Variants in SEPTIN11 observed in about 807,000 individuals in gnomAD.
SEPTIN11 encodes septin 11, also known as septin-11.
A neutral mutation model predicts 51.4 loss-of-function variants in SEPTIN11; 25 were observed. The observed-to-expected ratio is 0.49, with a 90% confidence interval of 0.35 to 0.68. SEPTIN11 has a LOEUF of 0.68. Among genes scored for constraint, SEPTIN11 ranks in the 30% least tolerant of loss-of-function variants. The pLI, the probability that SEPTIN11 is intolerant of heterozygous loss-of-function variation, is 0.00. For missense variants in SEPTIN11, 381 were observed against 520.8 expected (o/e 0.73, Z 2.61); for synonymous variants, 174 against 184.1 (o/e 0.95, Z 0.44).
intron 5 of SEPTIN11, among the ~76,000 whole-genome samples, chr4:77,018,203 C>G (rs1460724702): frequency 2.6e-5 from 4 of 151,648 alleles, no homozygotes; most frequent in Non-Finnish European, 2.9e-5. Context: ...GTAATCCCAG[C>G]ACTTTCGGAG....
At chr4:76,954,822 T>C (rs1235079371) in intron 1 of SEPTIN11, among the ~76,000 whole-genome samples, 2 of 152,188 alleles carry the variant, frequency 1.3e-5, no homozygotes, top group African/African-American at 4.8e-5. Flanking sequence ...GCCCACCTGC[T>C]GAACTGTGAC....
chr4:76,987,876 T>C, intron 1 of SEPTIN11: 2 of 957,512 alleles, frequency 2.1e-6, no homozygotes, highest in Non-Finnish European at 2.5e-6. Flanking sequence ...AAGGGGTATG[T>C]ACTTCTTCTC....
At chr4:76,963,999 T>C (rs1486739986) in intron 1 of SEPTIN11, among the ~76,000 whole-genome samples, 4 of 152,044 alleles carry the variant, frequency 2.6e-5, no homozygotes, top group Non-Finnish European at 5.9e-5. Flanking sequence ...TTCCCCTTCC[T>C]GTGTCCAAGT....
chr4:76,982,190 C>G (rs1254924530), intron 1 of SEPTIN11, among the ~76,000 whole-genome samples: 1 of 151,992 alleles, frequency 6.6e-6, no homozygotes, highest in African/African-American at 2.4e-5. Flanking sequence ...CATCTCCATT[C>G]CCTTTCTGCA....
In SEPTIN11 at chr4:77,035,990, G is replaced by A. The variant is rs1369087619; in HGVS notation, c.*1478G>A. 2.0e-6 allele frequency: 2 copies of A among 985,730 alleles called. No homozygotes were observed. Among genetic ancestry groups the A allele is most frequent in the Non-Finnish European group, 2.4e-6 (2 of 829,966 alleles). 61.1% of individuals were successfully genotyped at this position (985,730 alleles called of 1,614,324 possible). A position where few individuals can be genotyped will look rare whatever the true frequency, so the allele number is the denominator to read the frequency against. Reference sequence around the variant, plus strand: ...CACTGGTTAGAGATTAAGTAAATAGGATAGAATATGCTGCGTCTCCCCTGA... The same window carrying A: ...CACTGGTTAGAGATTAAGTAAATAGAATAGAATATGCTGCGTCTCCCCTGA... On this transcript the variant is annotated 3_prime_UTR_variant, in exon 10 of 10. Coordinates refer to ENST00000264893, the MANE Select transcript of SEPTIN11 (RefSeq NM_018243.4).
intron 1 of SEPTIN11, among the ~76,000 whole-genome samples, chr4:76,976,256 G>A (rs1722496911): frequency 6.6e-6 from 1 of 151,928 alleles, no homozygotes; most frequent in East Asian, 1.9e-4. Context: ...ATCTTTCTAG[G>A]ACCAGTTTTT....
intron 1 of SEPTIN11, among the ~76,000 whole-genome samples, chr4:76,988,047 C>G (rs1349513132): frequency 2.0e-5 from 3 of 152,156 alleles, no homozygotes; most frequent in Non-Finnish European, 4.4e-5. Context: ...CTACCTTCTC[C>G]CATCAGGTAC....
chr4:77,009,599 G>T (rs746661211), intron 3 of SEPTIN11, among the ~76,000 whole-genome samples: 1 of 152,206 alleles, frequency 6.6e-6, no homozygotes, highest in Non-Finnish European at 1.5e-5. Context: ...AGTGGGGAAA[G>T]CATTCCTCAC....
At chr4:76,975,146 A>G (rs963658581) in intron 1 of SEPTIN11, among the ~76,000 whole-genome samples, 10 of 152,010 alleles carry the variant, frequency 6.6e-5, no homozygotes, top group Non-Finnish European at 1.3e-4. Context: ...GAAAAAAAAA[A>G]AAAAGAAATG....
At chr4:76,961,035 A>G (rs1158424462) in intron 1 of SEPTIN11, among the ~76,000 whole-genome samples, 1 of 152,192 alleles carries the variant, frequency 6.6e-6, no homozygotes, top group Non-Finnish European at 1.5e-5. Flanking sequence ...GAAAGCCTAC[A>G]AAGTAGCTGG....
intron 9 of SEPTIN11, chr4:77,032,240 G>A (rs542381821): frequency 1.3e-5 from 2 of 152,334 alleles, no homozygotes; most frequent in Non-Finnish European, 2.9e-5. Context: ...ACCAGAGCAA[G>A]GGAGGAGGCA....
chr4:77,028,125 A>G (rs17002334), intron 7 of SEPTIN11, among the ~76,000 whole-genome samples: 5,777 of 152,192 alleles, frequency 0.038, 146 homozygotes, highest in East Asian at 0.095. Context: ...CCTTCCCCTC[A>G]TTTCATTCTC....
chr4:77,039,743 C>T, downstream of SEPTIN11: 2 of 984,964 alleles, frequency 2.0e-6, no homozygotes, highest in Non-Finnish European at 2.4e-6. Flanking sequence ...TATTTTTCAG[C>T]TGACCATCTG....
Position 77,011,934 on chromosome 4 carries a change from A to G in SEPTIN11, c.525+13A>G, listed in dbSNP as rs1025283664. 6.2e-7 allele frequency: 1 copy of G among 1,609,774 alleles called. No homozygotes were observed. The highest frequency in any genetic ancestry group is 1.7e-5 in the Admixed American group (1 of 59,910). ...GCTGGACAGTAAGGTACTTGCTGCC[A>G]TTCTGATTATCATCCACTCTCCTTT... On this transcript the variant is annotated intron_variant, in intron 4 of 9. Coordinates refer to ENST00000264893, the MANE Select transcript of SEPTIN11 (RefSeq NM_018243.4).
chr4:76,951,081 A>G (rs944212062), intron 1 of SEPTIN11, among the ~76,000 whole-genome samples: 2 of 152,082 alleles, frequency 1.3e-5, no homozygotes, highest in African/African-American at 4.8e-5. Context: ...CGAAAGACTT[A>G]CTGAGATACT....
At chr4:76,953,596 A>G (rs1220067156) in intron 1 of SEPTIN11, among the ~76,000 whole-genome samples, 2 of 152,196 alleles carry the variant, frequency 1.3e-5, no homozygotes, top group Non-Finnish European at 2.9e-5. Context: ...AATGGAGCCA[A>G]GAAAGGTCCA....
intron 1 of SEPTIN11, among the ~76,000 whole-genome samples, chr4:76,993,882 TG>T (rs956372803): frequency 2.0e-5 from 3 of 152,148 alleles, no homozygotes; most frequent in African/African-American, 7.2e-5. Flanking sequence ...AAATACTTAG[TG>T]GGTGTGTGGG....
intron 7 of SEPTIN11, among the ~76,000 whole-genome samples, chr4:77,023,724 GGCACCCTCA>G (rs1351474422): frequency 6.6e-6 from 1 of 152,116 alleles, no homozygotes; most frequent in Non-Finnish European, 1.5e-5. Context: ...AAGAATTTCG[GGCACCCTCA>G]GCACTTCCTG....
chr4:77,035,741 A>G lies in SEPTIN11; in HGVS notation c.*1229A>G. 1 of 985,924 alleles carries G rather than the reference A, an allele frequency of 1.0e-6. No homozygotes were observed. The highest frequency in any genetic ancestry group is 1.2e-6 in the Non-Finnish European group (1 of 829,948). 61.1% of individuals were successfully genotyped at this position (985,924 alleles called of 1,614,324 possible). On this transcript the variant is annotated 3_prime_UTR_variant, in exon 10 of 10. Coordinates refer to ENST00000264893, the MANE Select transcript of SEPTIN11 (RefSeq NM_018243.4). ...GCTCTTTGTCTAAGGCCCTTGCCTC[A>G]TCAGGGATTAGAACTGGCCCATATG... is the stretch of plus-strand genomic sequence containing the variant.
Sources: gnomAD v4.1 joint callset for allele counts (sites outside exome capture counted in the v4.1 genomes callset) on GRCh38, gnomAD v4.1.1 for gene constraint, MANE v1.5 for transcripts, NCBI Gene and HGNC (gene_info 2026-07-23, HGNC 2026-07-21) for gene names.